The following SPDEF variants were observed in gnomAD, a reference collection of about 807,000 sequenced individuals.
The protein encoded by SPDEF is SAM pointed domain-containing Ets transcription factor.
SPDEF carries 12 observed loss-of-function variants against 36.0 expected under a neutral mutation model. The ratio of observed to expected loss-of-function variants is 0.33; its 90% confidence interval spans 0.21 to 0.54. SPDEF has a LOEUF of 0.54. Ranked by LOEUF, SPDEF falls within the 20% of genes least tolerant of loss-of-function variation. The pLI, the probability that SPDEF is intolerant of heterozygous loss-of-function variation, is 0.93. For missense variants in SPDEF, 388 were observed against 456.9 expected (o/e 0.85, Z 1.37); for synonymous variants, 205 against 193.0 (o/e 1.06, Z -0.51).
Position 34,544,740 on chromosome 6 carries a change from G to A in SPDEF, c.-29-256C>T, listed in dbSNP as rs575071591. On this transcript the variant is annotated intron_variant, in intron 1 of 5. Coordinates refer to ENST00000374037, the MANE Select transcript of SPDEF (RefSeq NM_012391.3). This position sits in a 1 kb window ranked among gnomAD's most constrained non-coding sequence, Gnocchi z 4.4. ...TCCCCAAGGAAGCCAGGCTGGCTGG[G>A]AGCAGCAAAGCTCCACACATGTACT... 6.7e-4 allele frequency among the ~76,000 whole-genome samples: 102 copies of A among 152,342 alleles called. 2 individuals are homozygous for A. In the South Asian group the frequency reaches 0.015, roughly 22 times the overall value.
chr6:34,544,555 G>C lies in SPDEF; in HGVS notation c.-29-71C>G. 7.9e-7 allele frequency: 1 copy of C among 1,262,174 alleles called. No homozygotes were observed. The highest frequency in any genetic ancestry group is 1.1e-6 in the Non-Finnish European group (1 of 943,822). The allele number at this position is 1,262,174 out of a possible 1,614,324, so 78.2% of individuals were successfully genotyped here. On this transcript the variant is annotated intron_variant, in intron 1 of 5. Coordinates refer to ENST00000374037, the MANE Select transcript of SPDEF (RefSeq NM_012391.3). The surrounding 1 kb of genome is among the most constrained non-coding windows in gnomAD (Gnocchi z 4.4). ...TGTGGGGGCCGCTAAGCTGGTTATG[G>C]GGATGAGGGGCCCTGTGGACAGTGG...
At chr6:34,541,433 G>A (rs1204805811) in intron 2 of SPDEF, among the ~76,000 whole-genome samples, 3 of 152,138 alleles carry the variant, frequency 2.0e-5, no homozygotes, top group South Asian at 2.1e-4. Flanking sequence ...TGTACTGCCC[G>A]CCTCACCCAG....
At position 34,543,992 on chromosome 6, in the gene SPDEF, C is replaced by T. The variant is rs372514152; in HGVS notation, c.436+28G>A. ...TCAGCCTTGCCTGTGACCCATCTTA[C>T]GGAAGCAGGCACATGGAGAGGGCTC... On this transcript the variant is annotated intron_variant, in intron 2 of 5. Coordinates refer to ENST00000374037, the MANE Select transcript of SPDEF (RefSeq NM_012391.3). The T allele has an allele frequency of 6.2e-5, 99 of 1,593,684 alleles. No individual in the cohort carries two copies. The Middle Eastern group carries it at 8.4e-4, about 14-fold the overall frequency.
At chr6:34,549,071 G>A (rs145023881) in intron 1 of SPDEF, among the ~76,000 whole-genome samples, 2 of 152,008 alleles carry the variant, frequency 1.3e-5, no homozygotes, top group African/African-American at 2.4e-5. Context: ...AGGACCCAGC[G>A]TTCCTGCAGC....
chr6:34,553,993 T>G lies in SPDEF; in HGVS notation c.-30+1936A>C, dbSNP rs113680257. Among the ~76,000 whole-genome samples the G allele has an allele frequency of 2.8e-3, 396 of 143,812 alleles. 2 individuals are homozygous for G. The highest frequency in any genetic ancestry group is 9.5e-3 in the African/African-American group (367 of 38,728). 94.3% of individuals were successfully genotyped at this position (143,812 alleles called of 152,430 possible). ...AACTCCTACACAGCCTTCAAGGTCC[T>G]GCTCCAGGCTGTCTCCTCCGTGAAG... On this transcript the variant is annotated intron_variant, in intron 1 of 5. Transcript: ENST00000374037.
At position 34,538,202 on chromosome 6, in the gene SPDEF, C is replaced by G; in HGVS notation, c.*72G>C. ...GCAGACTGCCCGTTTTCCCCCATCT[C>G]AGGGCCTGGCTGAGGCAGGGCAGGC... is the stretch of plus-strand genomic sequence containing the variant. On this transcript the variant is annotated 3_prime_UTR_variant, in exon 6 of 6. Transcript: ENST00000374037. This position sits in a 1 kb window ranked among gnomAD's most constrained non-coding sequence, Gnocchi z 5.9. The G allele has an allele frequency of 1.3e-6, 2 of 1,508,666 alleles. No homozygotes were observed. The highest frequency in any genetic ancestry group is 1.8e-6 in the Non-Finnish European group (2 of 1,104,420). 93.5% of individuals were successfully genotyped at this position (1,508,666 alleles called of 1,614,324 possible).
At chr6:34,543,195 C>CAAAAAAAAAAAAAAAAAAAAAAAA (rs56021909) in intron 2 of SPDEF, among the ~76,000 whole-genome samples, 24 of 69,142 alleles carry the variant, frequency 3.5e-4, no homozygotes, top group South Asian at 7.8e-4. Flanking sequence ...GACTCCATCT[C>CAAAAAAAAAAAAAAAAAAAAAAAA]AAAAAAAAAA....
chr6:34,538,553 C>T lies in SPDEF; in HGVS notation c.830-101G>A. 1 of 1,273,590 alleles carries T rather than the reference C, an allele frequency of 7.9e-7. No homozygotes were observed. The highest frequency in any genetic ancestry group is 2.1e-5 in the Admixed American group (1 of 47,286). 78.9% of individuals were successfully genotyped at this position (1,273,590 alleles called of 1,614,324 possible). A position where few individuals can be genotyped will look rare whatever the true frequency, so the allele number is the denominator to read the frequency against. ...TCAGCCTCGTGGCGAACCAAGGGAC[C>T]CCGTGCAGAGGCCTCCCCCTGCTCG... On this transcript the variant is annotated intron_variant, in intron 5 of 5. Coordinates refer to ENST00000374037, the MANE Select transcript of SPDEF (RefSeq NM_012391.3). The surrounding 1 kb of genome is among the most constrained non-coding windows in gnomAD (Gnocchi z 5.9).
In SPDEF at chr6:34,541,008, C is replaced by T. The variant is rs770979391; in HGVS notation, c.610G>A (p.Ala204Thr). ...RSPLGGDVLH[A>T]HLDIWKSAAW... The stretch of plus-strand genomic sequence containing the variant: ...CCTGACTTCCAGATGTCCAGGTGGG[C>T]GTGCAGCACATCCCCACCCAGGGGC... The change falls in exon 3 of 6, where the codon GCC becomes ACC. Residue 204 changes from alanine to threonine, a missense_variant. By Grantham distance (58) the Ala-to-Thr change is moderately conservative (BLOSUM62 0). This residue lies in a region of SPDEF where 308 missense variants were observed against 326.1 expected (regional missense o/e 0.94). Coordinates refer to ENST00000374037, the MANE Select transcript of SPDEF (RefSeq NM_012391.3). 12 of 1,611,456 alleles carry T rather than the reference C, an allele frequency of 7.4e-6. No individual in the cohort carries two copies. The South Asian group carries it at 7.7e-5, about 10-fold the overall frequency.
At chr6:34,548,972 G>C (rs960590498) in intron 1 of SPDEF, among the ~76,000 whole-genome samples, 2 of 152,232 alleles carry the variant, frequency 1.3e-5, no homozygotes, top group Admixed American at 1.3e-4. Context: ...GGCCAGACCA[G>C]AGGCCTCCTG....
chr6:34,547,058 C>T (rs1463300544), intron 1 of SPDEF, among the ~76,000 whole-genome samples: 1 of 151,078 alleles, frequency 6.6e-6, no homozygotes, highest in Non-Finnish European at 1.5e-5. Context: ...CGTCCACATC[C>T]CCAGAGCCCC....
chr6:34,554,884 G>T (rs908007963), intron 1 of SPDEF, among the ~76,000 whole-genome samples: 3 of 152,174 alleles, frequency 2.0e-5, no homozygotes, highest in Non-Finnish European at 1.5e-5. Flanking sequence ...GGGAGGTTGC[G>T]GCAGGAAATG....
At chr6:34,548,895 T>C (rs1299362514) in intron 1 of SPDEF, among the ~76,000 whole-genome samples, 5 of 152,116 alleles carry the variant, frequency 3.3e-5, no homozygotes, top group Non-Finnish European at 7.4e-5. Flanking sequence ...TGGGGACACA[T>C]GTGCACTGGA....
At chr6:34,541,251 T>C in intron 2 of SPDEF, 70 bp from the exon 3 acceptor site, 3 of 1,434,768 alleles carry the variant, frequency 2.1e-6, no homozygotes, top group Non-Finnish European at 2.8e-6. Context: ...GGGGCACCCA[T>C]GGGAACCTGT....
intron 1 of SPDEF, among the ~76,000 whole-genome samples, chr6:34,545,076 C>A (rs1767923453): frequency 6.6e-6 from 1 of 152,320 alleles, no homozygotes; most frequent in South Asian, 2.1e-4. Flanking sequence ...TCCCACAGGG[C>A]TATCTGGGGG....
chr6:34,544,156 G>C lies in SPDEF; in HGVS notation c.300C>G (p.Ala100=). 6.2e-7 allele frequency: 1 copy of C among 1,613,862 alleles called. No individual in the cohort carries two copies. The highest frequency in any genetic ancestry group is 1.1e-5 in the South Asian group (1 of 91,072). The change falls in exon 2 of 6, where the codon GCC becomes GCG. Residue 100 remains alanine, a synonymous_variant. Transcript: ENST00000374037. The surrounding 1 kb of genome is among the most constrained non-coding windows in gnomAD (Gnocchi z 4.4). ...GCACCAAGTCCAGGCTGCCCGCTGG[G>C]GCTTGGCTGTCAATGACCGGGCACT... ...PEQCPVIDSQ[A]PAGSLDLVPG... is the part of the protein sequence containing the mutation.
At chr6:34,543,957 C>G in intron 2 of SPDEF, 63 bp downstream of exon 2, 1 of 1,545,856 alleles carries the variant, frequency 6.5e-7, no homozygotes, top group Non-Finnish European at 8.8e-7. Flanking sequence ...CCCGACCCAC[C>G]CCAGCGACCT....
At chr6:34,554,312 T>G (rs1480870105) in intron 1 of SPDEF, among the ~76,000 whole-genome samples, 1 of 152,232 alleles carries the variant, frequency 6.6e-6, no homozygotes, top group African/African-American at 2.4e-5. Context: ...GTTTTTGCAC[T>G]TCCTGCCAGC....
chr6:34,539,797 C>T lies in SPDEF; in HGVS notation c.635-235G>A, dbSNP rs1767779976. On this transcript the variant is annotated intron_variant, in intron 3 of 5. Coordinates refer to ENST00000374037, the MANE Select transcript of SPDEF (RefSeq NM_012391.3). This position sits in a 1 kb window ranked among gnomAD's most constrained non-coding sequence, Gnocchi z 5.2. ...GGCCGTAAAGGGCTTGCATGCAACCCCTTGTTCAGATGAGGACATCTGACA... is the reference window on the plus strand; with the variant it reads ...GGCCGTAAAGGGCTTGCATGCAACCTCTTGTTCAGATGAGGACATCTGACA... 6.6e-6 allele frequency among the ~76,000 whole-genome samples: 1 copy of T among 152,176 alleles called. No individual in the cohort carries two copies.
Sources: allele counts gnomAD v4.1 joint callset (sites outside exome capture counted in the v4.1 genomes callset), GRCh38; gene constraint gnomAD v4.1.1; regional missense constraint gnomAD v4.1.1; non-coding constraint Gnocchi (gnomAD v3.1); transcripts MANE v1.5; gene names NCBI Gene and HGNC (gene_info 2026-07-23, HGNC 2026-07-21).